Variants in ENPP2 observed in about 807,000 individuals in gnomAD.
ENPP2 encodes autotaxin.
Under a neutral mutation model 120.2 loss-of-function variants are expected in ENPP2, and 51 were observed. That is an observed-to-expected ratio of 0.42 (90% confidence interval 0.34 to 0.54). The LOEUF (loss-of-function observed/expected upper bound fraction) is 0.54, where lower values mean the gene tolerates loss of function less well. Among genes scored for constraint, ENPP2 ranks in the 20% least tolerant of loss-of-function variants. The pLI is 0.04. For missense variants in ENPP2, 920 were observed against 1,066.5 expected (o/e 0.86, Z 1.91); for synonymous variants, 365 against 366.4 (o/e 1.00, Z 0.04).
intron 11 of ENPP2, among the ~76,000 whole-genome samples, chr8:119,598,882 C>T (rs1439876002): frequency 2.6e-5 from 4 of 152,110 alleles, no homozygotes; most frequent in African/African-American, 2.4e-5. Flanking sequence ...GCGAAAGTAC[C>T]GGAGTCCTAC....
intron 1 of ENPP2, among the ~76,000 whole-genome samples, chr8:119,664,689 C>T (rs10955934): frequency 0.16 from 24,779 of 152,036 alleles, 2,736 homozygotes; most frequent in African/African-American, 0.31. Context: ...CACCTGTTAC[C>T]CCAGCACTTT....
At chr8:119,663,865 A>C (rs979366936) in intron 1 of ENPP2, among the ~76,000 whole-genome samples, 1 of 152,232 alleles carries the variant, frequency 6.6e-6, no homozygotes, top group Admixed American at 6.5e-5. Context: ...CACTATGTTG[A>C]ATTAATATCT....
At chr8:119,572,070 T>G in intron 19 of ENPP2, 1 of 767,742 alleles carries the variant, frequency 1.3e-6, no homozygotes, top group Non-Finnish European at 2.1e-6. Flanking sequence ...TCTGACAATA[T>G]TAAATAAATG....
intron 3 of ENPP2, among the ~76,000 whole-genome samples, chr8:119,623,176 A>C (rs1816025811): frequency 6.6e-6 from 1 of 152,094 alleles, no homozygotes; most frequent in African/African-American, 2.4e-5. Flanking sequence ...TAATAAAGAG[A>C]TATTACGGGC....
intron 4 of ENPP2, 78 bp from the exon 5 acceptor site, chr8:119,619,382 T>A: frequency 1.0e-6 from 1 of 986,518 alleles, no homozygotes; most frequent in Non-Finnish European, 1.6e-6. Flanking sequence ...TTCCAGGATC[T>A]GTGTCCTGTT....
rs560692457 is a variant in ENPP2, at chr8:119,573,569, T to G, written c.1781-2728A>C. Among the ~76,000 whole-genome samples the G allele has an allele frequency of 6.6e-5, 10 of 152,208 alleles. 1 individual carries two copies. The highest frequency in any genetic ancestry group is 2.2e-4 in the African/African-American group (9 of 41,534). On this transcript the variant is annotated intron_variant, in intron 19 of 24. Transcript: ENST00000075322. Reference sequence around the variant, plus strand: ...GGCTCACGCCTGTAAGCCTAGCACTTTGGGAGGCTGAGGTGGGCAGATCAC... The same window carrying G: ...GGCTCACGCCTGTAAGCCTAGCACTGTGGGAGGCTGAGGTGGGCAGATCAC...
chr8:119,595,715 G>C (rs1336005967), intron 11 of ENPP2: 6 of 789,240 alleles, frequency 7.6e-6, no homozygotes, highest in Non-Finnish European at 1.1e-5. Flanking sequence ...CATTCTTCTG[G>C]ACTCAAAGCC....
chr8:119,628,333 A>G lies in ENPP2; in HGVS notation c.137-1613T>C, dbSNP rs185486614. Among the ~76,000 whole-genome samples, 145 of 152,288 alleles carry G rather than the reference A, an allele frequency of 9.5e-4. 1 individual carries two copies. Among genetic ancestry groups the G allele is most frequent in the African/African-American group, 3.3e-3 (137 of 41,568 alleles). On this transcript the variant is annotated intron_variant, in intron 2 of 24. Transcript: ENST00000075322. Reference sequence around the variant, plus strand: ...GTAAAGTAGAATATAATTTAGAAAGACCTATCAACATGTTTAAATGCTTAT... The same window carrying G: ...GTAAAGTAGAATATAATTTAGAAAGGCCTATCAACATGTTTAAATGCTTAT...
At chr8:119,630,254 AC>A (rs1452382971) in intron 2 of ENPP2, among the ~76,000 whole-genome samples, 7 of 151,786 alleles carry the variant, frequency 4.6e-5, no homozygotes, top group African/African-American at 1.7e-4. Context: ...GATTAGAGGC[AC>A]CCACCACCAT....
intron 24 of ENPP2, among the ~76,000 whole-genome samples, chr8:119,561,369 CTT>C (rs1813914404): frequency 6.6e-6 from 1 of 152,240 alleles, no homozygotes. Context: ...CTAACACACT[CTT>C]GTTTCTCCTA....
intron 5 of ENPP2, chr8:119,618,226 G>T: frequency 2.1e-6 from 1 of 466,578 alleles, no homozygotes; most frequent in South Asian, 1.6e-5. Context: ...TCATGCCTGC[G>T]AAGATCATTT....
intron 22 of ENPP2, among the ~76,000 whole-genome samples, chr8:119,566,606 T>G (rs569691262): frequency 1.3e-4 from 20 of 152,288 alleles, no homozygotes; most frequent in Admixed American, 3.3e-4. Context: ...AGGCCAGGCC[T>G]GCAGAAATGT....
At chr8:119,617,421 G>T (rs1815538714) in intron 6 of ENPP2, 45 bp downstream of exon 6, 1 of 1,363,786 alleles carries the variant, frequency 7.3e-7, no homozygotes, top group African/African-American at 1.4e-5. Flanking sequence ...TTAGTGTGGA[G>T]ATCCTAGATT....
At chr8:119,576,389 C>T (rs1348487576) in intron 19 of ENPP2, among the ~76,000 whole-genome samples, 3 of 152,188 alleles carry the variant, frequency 2.0e-5, no homozygotes, top group South Asian at 2.1e-4. Flanking sequence ...CCACCCACCT[C>T]GGCCTCCCAA....
At chr8:119,607,489 C>A (rs11776051) in intron 9 of ENPP2, among the ~76,000 whole-genome samples, 1 of 151,906 alleles carries the variant, frequency 6.6e-6, no homozygotes, top group East Asian at 1.9e-4. Flanking sequence ...GCCTCGCAAA[C>A]GTGGTGAAAC....
At chr8:119,586,720 C>T (rs16892826) in intron 14 of ENPP2, among the ~76,000 whole-genome samples, 2,240 of 152,098 alleles carry the variant, frequency 0.015, 38 homozygotes, top group African/African-American at 0.042. Context: ...ACCCAGCATC[C>T]GGGAACAATG....
chr8:119,666,516 C>T (rs946030514), intron 1 of ENPP2, among the ~76,000 whole-genome samples: 3 of 152,136 alleles, frequency 2.0e-5, no homozygotes, highest in Non-Finnish European at 2.9e-5. Flanking sequence ...CGTGATGGCT[C>T]ACACCTGTTA....
chr8:119,566,312 C>T (rs181755743), intron 22 of ENPP2, among the ~76,000 whole-genome samples: 5 of 152,240 alleles, frequency 3.3e-5, no homozygotes, highest in African/African-American at 7.2e-5. Context: ...AGATCGAATT[C>T]GCCATGCTGT....
chr8:119,611,449 T>C (rs750761210), intron 8 of ENPP2, among the ~76,000 whole-genome samples: 6 of 152,078 alleles, frequency 3.9e-5, no homozygotes, highest in Non-Finnish European at 5.9e-5. Context: ...TGGGGCCCAA[T>C]GCAGCTGGTT....
Sources: allele counts gnomAD v4.1 joint callset (sites outside exome capture counted in the v4.1 genomes callset), GRCh38; gene constraint gnomAD v4.1.1; transcripts MANE v1.5; gene names NCBI Gene and HGNC (gene_info 2026-07-23, HGNC 2026-07-21).